Variants in ERICH6B observed in about 807,000 individuals in gnomAD.
ERICH6B encodes glutamate rich 6B, also known as glutamate-rich protein 6B.
ERICH6B carries 69 observed loss-of-function variants against 80.0 expected under a neutral mutation model. The observed-to-expected ratio is 0.86, with a 90% CI of 0.71 to 1.05. ERICH6B has a LOEUF of 1.05. Among genes scored for constraint, ERICH6B ranks in the 50% least tolerant of loss-of-function variants. The pLI is 0.00. For missense variants in ERICH6B, 754 were observed against 796.1 expected (o/e 0.95, Z 0.64); for synonymous variants, 283 against 291.9 (o/e 0.97, Z 0.31).
At chr13:45,583,296 T>A (rs1875750204) in intron 5 of ERICH6B, among the ~76,000 whole-genome samples, 1 of 152,236 alleles carries the variant, frequency 6.6e-6, no homozygotes, top group African/African-American at 2.4e-5. Flanking sequence ...AATTCTATTT[T>A]AAATGGGCCT....
At chr13:45,553,048 A>G in intron 11 of ERICH6B, 1 of 272,786 alleles carries the variant, frequency 3.7e-6, no homozygotes, top group Non-Finnish European at 7.3e-6. Context: ...AACTCAGTAG[A>G]AAAAAGCAGT....
intron 7 of ERICH6B, among the ~76,000 whole-genome samples, chr13:45,577,497 T>A (rs1353947028): frequency 6.6e-6 from 1 of 152,062 alleles, no homozygotes; most frequent in African/African-American, 2.4e-5. Context: ...TTGGCCAGGA[T>A]GCTCTCTACC....
chr13:45,582,681 C>T (rs1446153769), intron 5 of ERICH6B, among the ~76,000 whole-genome samples: 1 of 152,196 alleles, frequency 6.6e-6, no homozygotes, highest in Admixed American at 6.5e-5. Context: ...TGACTCTGAT[C>T]TATGAAACAG....
chr13:45,578,450 A>G (rs1875516368), intron 7 of ERICH6B, among the ~76,000 whole-genome samples: 1 of 152,256 alleles, frequency 6.6e-6, no homozygotes, highest in African/African-American at 2.4e-5. Context: ...GTGCTTTAAC[A>G]AATGTTAATG....
intron 9 of ERICH6B, 68 bp from the exon 10 acceptor site, chr13:45,563,856 T>C: frequency 7.6e-7 from 1 of 1,316,464 alleles, no homozygotes; most frequent in Non-Finnish European, 1.1e-6. Context: ...TCACACACAG[T>C]GCAGACAGTA....
chr13:45,577,274 ATC>A (rs1875447105), intron 7 of ERICH6B, among the ~76,000 whole-genome samples: 1 of 110,792 alleles, frequency 9.0e-6, no homozygotes, highest in African/African-American at 4.0e-5. Flanking sequence ...TTAAAAACAA[ATC>A]TTTTTTTTTT....
intron 11 of ERICH6B, among the ~76,000 whole-genome samples, chr13:45,558,522 G>T (rs1295140152): frequency 1.3e-5 from 2 of 152,112 alleles, no homozygotes; most frequent in Non-Finnish European, 2.9e-5. Context: ...GTTCTCAGAG[G>T]GAATGCTTTC....
At chr13:45,575,939 T>C (rs919243553) in intron 7 of ERICH6B, among the ~76,000 whole-genome samples, 1 of 152,214 alleles carries the variant, frequency 6.6e-6, no homozygotes, top group African/African-American at 2.4e-5. Context: ...TGGTGGCTGA[T>C]TGTCTCAGCT....
At chr13:45,592,079 C>T (rs1248581667) in intron 3 of ERICH6B, among the ~76,000 whole-genome samples, 1 of 152,180 alleles carries the variant, frequency 6.6e-6, no homozygotes. Context: ...TTTTCTGTGA[C>T]TTTGGAGTAG....
In ERICH6B at chr13:45,544,873, A is replaced by G; in HGVS notation, c.1759T>C (p.Ser587Pro). 1 of 1,551,706 alleles carries G rather than the reference A, an allele frequency of 6.4e-7. No homozygotes were observed. Among genetic ancestry groups the G allele is most frequent in the Non-Finnish European group, 8.7e-7 (1 of 1,146,996 alleles). Residue 587 changes from serine (S) to proline (P), a missense_variant, in exon 14 of 15, where the codon TCC (serine) becomes CCC (proline). By Grantham distance (74) the Ser-to-Pro change is moderately conservative (BLOSUM62 -1). Transcript: ENST00000298738. ...TGGATGTACTCATTGATTTTCAAGGAGATGGGCTGGACAGGGGGTGCGTGG... is the reference window on the plus strand; with the variant it reads ...TGGATGTACTCATTGATTTTCAAGGGGATGGGCTGGACAGGGGGTGCGTGG... ...HVHAPPVQPI[S>P]LKINEYIQVQ...
chr13:45,554,982 G>GC (rs1263077902), intron 11 of ERICH6B, among the ~76,000 whole-genome samples: 1 of 152,190 alleles, frequency 6.6e-6, no homozygotes, highest in African/African-American at 2.4e-5. Context: ...GCTTGGTGCA[G>GC]CCCAACATGA....
At position 45,587,060 on chromosome 13, in the gene ERICH6B, C is replaced by T; in HGVS notation, c.856+3G>A. The T allele has an allele frequency of 6.4e-7, 1 of 1,551,006 alleles. No individual in the cohort carries two copies. Among genetic ancestry groups the T allele is most frequent in the Non-Finnish European group, 8.7e-7 (1 of 1,146,602 alleles). On this transcript the variant is annotated splice_donor_region_variant and intron_variant, in intron 5 of 14. Transcript: ENST00000298738. ...CTCACCGACAGAGCGCAGCTTCCCT[C>T]ACCGGCAGTTCTGTCGTAGCACCAG... is the stretch of plus-strand genomic sequence containing the variant.
At chr13:45,589,243 G>A (rs2138012889) in intron 4 of ERICH6B, among the ~76,000 whole-genome samples, 1 of 152,186 alleles carries the variant, frequency 6.6e-6, no homozygotes, top group East Asian at 1.9e-4. Flanking sequence ...AGCCTGGTGT[G>A]GACACCAGGA....
chr13:45,550,036 T>G lies in ERICH6B; in HGVS notation c.1503A>C (p.Ser501=). ...PDGTGQIHYP[S]GNLAMLILYA... ...ATAAGATGAGCATAGCCAGGTTTCC[T>G]GATGGATAACTGGGAGAAGGTTAAG... Residue 501 remains serine (S), a synonymous_variant, in exon 13 of 15, where the codon TCA becomes TCC. Transcript: ENST00000298738. 6.4e-7 allele frequency: 1 copy of G among 1,551,854 alleles called. No individual in the cohort carries two copies. Among genetic ancestry groups the G allele is most frequent in the Non-Finnish European group, 8.7e-7 (1 of 1,147,092 alleles).
chr13:45,566,883 G>A (rs1199355877), intron 9 of ERICH6B, among the ~76,000 whole-genome samples: 1 of 152,206 alleles, frequency 6.6e-6, no homozygotes, highest in Admixed American at 6.5e-5. Context: ...AGCTTGCACT[G>A]TACATTTGGA....
intron 2 of ERICH6B, among the ~76,000 whole-genome samples, chr13:45,601,259 A>G (rs996513753): frequency 3.9e-5 from 6 of 152,116 alleles, no homozygotes; most frequent in African/African-American, 1.4e-4. Flanking sequence ...TGAGTAAAAT[A>G]TATTTTTACT....
At chr13:45,559,993 T>C (rs894055212) in intron 11 of ERICH6B, among the ~76,000 whole-genome samples, 3 of 152,156 alleles carry the variant, frequency 2.0e-5, no homozygotes, top group African/African-American at 4.8e-5. Context: ...CAGTGGAGTA[T>C]TGTGTTGGTG....
intron 1 of ERICH6B, among the ~76,000 whole-genome samples, chr13:45,613,027 T>C (rs1949908706): frequency 6.6e-6 from 1 of 152,142 alleles, no homozygotes; most frequent in Non-Finnish European, 1.5e-5. Flanking sequence ...GAGTCCAGGA[T>C]GGTGTCAGGA....
chr13:45,598,296 C>A (rs1876486130), intron 2 of ERICH6B, among the ~76,000 whole-genome samples: 1 of 152,058 alleles, frequency 6.6e-6, no homozygotes, highest in East Asian at 1.9e-4. Context: ...TAGCTCGGAG[C>A]CTGGTGCATA....
Sources: allele counts gnomAD v4.1 joint callset (sites outside exome capture counted in the v4.1 genomes callset), GRCh38; gene constraint gnomAD v4.1.1; transcripts MANE v1.5; gene names NCBI Gene and HGNC (gene_info 2026-07-23, HGNC 2026-07-21).